RGS7: variants seen among roughly 807,000 people sequenced by gnomAD.
RGS7 encodes the protein regulator of G protein signaling 7, also known as regulator of G-protein signaling 7.
A neutral mutation model predicts 81.1 loss-of-function variants in RGS7; 27 were observed. The observed-to-expected ratio is 0.33, with a 90% CI of 0.25 to 0.46. The LOEUF (loss-of-function observed/expected upper bound fraction) is 0.46, where lower values mean the gene tolerates loss of function less well. RGS7 is among the 20% of genes least tolerant of loss of function. The probability of loss-of-function intolerance (pLI) is 1.00; values close to 1 mark genes in which losing one functional copy is unlikely to be tolerated. For missense variants in RGS7, 396 were observed against 607.4 expected, an observed-to-expected ratio of 0.65 and a Z score of 3.66; for synonymous variants, 208 against 207.7, an observed-to-expected ratio of 1.00 and a Z score of -0.01.
chr1:241,305,601 C>G (rs1473657500), intron 2 of RGS7: 1 of 151,634 alleles, frequency 6.6e-6, no homozygotes, highest in African/African-American at 2.4e-5. Context: ...AGCTGCTTTC[C>G]TCAGGGCGGG....
chr1:241,327,032 A>G (rs796837235), intron 2 of RGS7, among the ~76,000 whole-genome samples: 1,158 of 2,556 alleles, frequency 0.45, 184 homozygotes, highest in South Asian at 0.58. Flanking sequence ...GGAAGGAAGG[A>G]AGGAAGGGAG....
At chr1:240,781,924 A>G (rs1005923083) in intron 18 of RGS7, among the ~76,000 whole-genome samples, 2 of 152,086 alleles carry the variant, frequency 1.3e-5, no homozygotes, top group African/African-American at 2.4e-5. Context: ...CTGAGGCAGG[A>G]GAATCACCTG....
At chr1:240,921,284 A>C (rs1208031291) in intron 6 of RGS7, among the ~76,000 whole-genome samples, 1 of 152,106 alleles carries the variant, frequency 6.6e-6, no homozygotes, top group Non-Finnish European at 1.5e-5. Flanking sequence ...AAGATTGTGT[A>C]ACATCTATTA....
At chr1:241,109,464 T>C (rs1296004555) in intron 2 of RGS7, among the ~76,000 whole-genome samples, 3 of 152,150 alleles carry the variant, frequency 2.0e-5, no homozygotes, top group African/African-American at 7.2e-5. Context: ...GACTTACATG[T>C]AAGTTATTTA....
intron 3 of RGS7, among the ~76,000 whole-genome samples, chr1:241,044,655 C>A (rs1463702430): frequency 1.3e-5 from 2 of 151,702 alleles, no homozygotes; most frequent in Non-Finnish European, 2.9e-5. Context: ...TGATCTTGAA[C>A]TACTGGCCTC....
At chr1:241,131,424 C>A (rs964478682) in intron 2 of RGS7, among the ~76,000 whole-genome samples, 1 of 152,160 alleles carries the variant, frequency 6.6e-6, no homozygotes, top group African/African-American at 2.4e-5. Flanking sequence ...GTTGCCAAGT[C>A]AGTGGGACTA....
chr1:241,134,774 C>G (rs192365445), intron 2 of RGS7, among the ~76,000 whole-genome samples: 30 of 152,270 alleles, frequency 2.0e-4, no homozygotes, highest in African/African-American at 5.8e-4. Context: ...TTACTAGTTC[C>G]TCACTGAAAG....
intron 2 of RGS7, among the ~76,000 whole-genome samples, chr1:241,294,611 C>T (rs1196575171): frequency 6.6e-6 from 1 of 152,198 alleles, no homozygotes; most frequent in African/African-American, 2.4e-5. Flanking sequence ...TTCACATTCA[C>T]TCACTACTCA....
At chr1:240,793,684 A>T (rs971188133) in intron 18 of RGS7, among the ~76,000 whole-genome samples, 1 of 140,918 alleles carries the variant, frequency 7.1e-6, no homozygotes, top group East Asian at 2.1e-4. Flanking sequence ...ATCTTGGCTC[A>T]CTGCAAGCTC....
intron 2 of RGS7, among the ~76,000 whole-genome samples, chr1:241,171,842 AAAAAC>A (rs768460295): frequency 2.0e-5 from 3 of 152,210 alleles, no homozygotes; most frequent in Non-Finnish European, 4.4e-5. Context: ...CAGCAGGTGA[AAAAAC>A]AAAACAAAAC....
At chr1:241,005,659 C>T (rs780746815) in intron 3 of RGS7, among the ~76,000 whole-genome samples, 2 of 152,010 alleles carry the variant, frequency 1.3e-5, no homozygotes, top group Non-Finnish European at 2.9e-5. Flanking sequence ...CTCAGCCTCC[C>T]GAGTAGCTGG....
chr1:240,795,803 GA>G (rs1686957788), intron 18 of RGS7, among the ~76,000 whole-genome samples: 1 of 152,080 alleles, frequency 6.6e-6, no homozygotes, highest in South Asian at 2.1e-4. Context: ...TGTTTCAAAA[GA>G]ATATTTAAAT....
intron 3 of RGS7, among the ~76,000 whole-genome samples, chr1:241,006,505 C>A (rs892946952): frequency 6.6e-6 from 1 of 152,108 alleles, no homozygotes; most frequent in African/African-American, 2.4e-5. Flanking sequence ...TATAAATAAT[C>A]CTACAAACAG....
chr1:241,018,368 G>A (rs2059374929), intron 3 of RGS7, among the ~76,000 whole-genome samples: 1 of 151,876 alleles, frequency 6.6e-6, no homozygotes, highest in Non-Finnish European at 1.5e-5. Context: ...TATCATATCA[G>A]GTAAAAGGGA....
chr1:240,859,617 C>A lies in RGS7; in HGVS notation c.609+8970G>T, dbSNP rs540990968. Among the ~76,000 whole-genome samples, 22 of 151,638 alleles carry A rather than the reference C, an allele frequency of 1.5e-4. No homozygotes were observed. The South Asian group carries it at 4.2e-3, about 29-fold the overall frequency. ...TCTTCTCCCTTTATTCCTTAGTTAA[C>A]CTGGCTAGAGGATTATTGACTTTAC... is the stretch of plus-strand genomic sequence containing the variant. On this transcript the variant is annotated intron_variant, in intron 9 of 18. Coordinates refer to ENST00000440928, the MANE Select transcript of RGS7 (RefSeq NM_001364886.1).
chr1:240,891,062 G>A (rs1339009219), intron 6 of RGS7, among the ~76,000 whole-genome samples: 1 of 152,188 alleles, frequency 6.6e-6, no homozygotes, highest in Non-Finnish European at 1.5e-5. Flanking sequence ...ACAAAACTTT[G>A]CAAGACTCTT....
At chr1:241,020,993 G>A (rs1401976598) in intron 3 of RGS7, among the ~76,000 whole-genome samples, 3 of 152,184 alleles carry the variant, frequency 2.0e-5, no homozygotes, top group Non-Finnish European at 1.5e-5. Flanking sequence ...GGGTAATCCA[G>A]TTAATGTTTA....
rs1663692577 is a variant in RGS7 at position 240,868,093 on chromosome 1, A to AAAGAAAAGAAGAGAAAAGAAAG, written c.609+493_609+494insCTTTCTTTTCTCTTCTTTTCTT. On this transcript the variant is annotated intron_variant, in intron 9 of 18. Coordinates refer to ENST00000440928, the MANE Select transcript of RGS7 (RefSeq NM_001364886.1). The surrounding 1 kb of genome is among the most constrained non-coding windows in gnomAD (Gnocchi z 5.1). Reference sequence around the variant, plus strand: ...AGAAAAGAAAGAAAGAAAAAGAAAGAAAAGAAAAAGAAAGAAAAGAAAAGG... The same window carrying AAAGAAAAGAAGAGAAAAGAAAG: ...AGAAAAGAAAGAAAGAAAAAGAAAGAAAGAAAAGAAGAGAAAAGAAAGAAAGAAAAAGAAAGAAAAGAAAAGG... Among the ~76,000 whole-genome samples, 10 of 147,246 alleles carry AAAGAAAAGAAGAGAAAAGAAAG rather than the reference A, an allele frequency of 6.8e-5. No individual in the cohort carries two copies. The highest frequency in any genetic ancestry group is 2.7e-4 in the Admixed American group (4 of 14,864).
intron 14 of RGS7, among the ~76,000 whole-genome samples, chr1:240,809,398 T>C (rs1689451487): frequency 6.6e-6 from 1 of 152,148 alleles, no homozygotes; most frequent in African/African-American, 2.4e-5. Flanking sequence ...GAGAGTTATT[T>C]TATTTTAAGT....
Sources: allele counts gnomAD v4.1 joint callset (sites outside exome capture counted in the v4.1 genomes callset), GRCh38; gene constraint gnomAD v4.1.1; non-coding constraint Gnocchi (gnomAD v3.1); transcripts MANE v1.5; gene names NCBI Gene and HGNC (gene_info 2026-07-23, HGNC 2026-07-21).